The following TAFA2 variants were observed in gnomAD, a reference collection of about 807,000 sequenced individuals.
TAFA2 encodes chemokine-like protein TAFA-2.
Under a neutral mutation model 18.8 loss-of-function variants are expected in TAFA2, and 7 were observed. The observed-to-expected ratio is 0.37, with a 90% CI of 0.21 to 0.70. TAFA2 has a LOEUF of 0.70. Ranked by LOEUF, TAFA2 falls within the 30% of genes least tolerant of loss-of-function variation. The probability of loss-of-function intolerance (pLI) is 0.53; values close to 1 mark genes in which losing one functional copy is unlikely to be tolerated. For synonymous variants in TAFA2, 60 were observed against 54.2 expected (o/e 1.11, Z -0.47); for missense variants, 122 against 158.1 (o/e 0.77, Z 1.23).
intron 1 of TAFA2, among the ~76,000 whole-genome samples, chr12:62,100,172 G>C (rs1379562281): frequency 1.6e-5 from 2 of 121,770 alleles, no homozygotes; most frequent in East Asian, 4.3e-4. Flanking sequence ...CACACACACA[G>C]CCCTTCAAGT....
At chr12:62,031,662 C>A (rs1459783062) in intron 1 of TAFA2, among the ~76,000 whole-genome samples, 1 of 152,036 alleles carries the variant, frequency 6.6e-6, no homozygotes, top group Admixed American at 6.6e-5. Flanking sequence ...ATGACATTTA[C>A]CTGTATATAT....
intron 2 of TAFA2, among the ~76,000 whole-genome samples, chr12:61,854,112 C>T (rs905070232): frequency 2.6e-5 from 4 of 151,970 alleles, no homozygotes; most frequent in African/African-American, 9.7e-5. Context: ...AGGAAAGCTT[C>T]TAGTATAGAA....
chr12:62,074,981 C>T (rs981868828), intron 1 of TAFA2, among the ~76,000 whole-genome samples: 1 of 151,976 alleles, frequency 6.6e-6, no homozygotes, highest in Non-Finnish European at 1.5e-5. Context: ...GGATTACAGG[C>T]GTGAGCCACC....
chr12:61,945,257 C>A (rs993916220), intron 1 of TAFA2, among the ~76,000 whole-genome samples: 6 of 121,730 alleles, frequency 4.9e-5, no homozygotes, highest in African/African-American at 2.4e-4. Flanking sequence ...ATTCAACAAC[C>A]CTTCATGCTA....
chr12:62,015,459 C>T (rs1880905164), intron 1 of TAFA2, among the ~76,000 whole-genome samples: 1 of 152,164 alleles, frequency 6.6e-6, no homozygotes, highest in South Asian at 2.1e-4. Flanking sequence ...TGATCTCCTA[C>T]ATAGTAGGAA....
chr12:62,069,076 T>C (rs1004440154), intron 1 of TAFA2, among the ~76,000 whole-genome samples: 2 of 152,288 alleles, frequency 1.3e-5, no homozygotes, highest in South Asian at 2.1e-4. Flanking sequence ...GAGCAATTTT[T>C]GTGCTGCAAT....
intron 4 of TAFA2, chr12:61,720,919 G>C (rs75355871): frequency 5.8e-6 from 3 of 517,600 alleles, no homozygotes; most frequent in Non-Finnish European, 1.2e-5. Flanking sequence ...AGTTTTACAC[G>C]TTTGCCTAAG....
chr12:61,926,070 C>T (rs7304495), intron 1 of TAFA2, among the ~76,000 whole-genome samples: 3,368 of 152,252 alleles, frequency 0.022, 105 homozygotes, highest in African/African-American at 0.077. Flanking sequence ...ATACTATAAA[C>T]AACTCTACAC....
At chr12:61,796,307 AT>A (rs1273215259) in intron 2 of TAFA2, among the ~76,000 whole-genome samples, 2 of 152,282 alleles carry the variant, frequency 1.3e-5, no homozygotes, top group East Asian at 1.9e-4. Context: ...AGATAAACAA[AT>A]TTTGGCATAA....
intron 1 of TAFA2, among the ~76,000 whole-genome samples, chr12:61,890,615 C>T (rs1403700132): frequency 6.6e-6 from 1 of 152,200 alleles, no homozygotes; most frequent in African/African-American, 2.4e-5. Flanking sequence ...AAATAAGTAG[C>T]TACAGGGGGT....
intron 2 of TAFA2, among the ~76,000 whole-genome samples, chr12:61,784,829 T>C (rs1055629949): frequency 6.6e-6 from 1 of 151,506 alleles, no homozygotes; most frequent in Non-Finnish European, 1.5e-5. Flanking sequence ...TCTTTTCTTT[T>C]TTAATTGACA....
intron 1 of TAFA2, among the ~76,000 whole-genome samples, chr12:62,124,706 C>T (rs1415152878): frequency 1.3e-5 from 2 of 152,068 alleles, no homozygotes; most frequent in East Asian, 3.9e-4. Flanking sequence ...TTAAGATAGG[C>T]TAGTATTCAA....
At chr12:62,048,578 A>AG (rs1442251913) in intron 1 of TAFA2, among the ~76,000 whole-genome samples, 3 of 152,118 alleles carry the variant, frequency 2.0e-5, no homozygotes, top group Admixed American at 2.0e-4. Context: ...TATTTCCCCA[A>AG]TTTTCAAATC....
intron 2 of TAFA2, among the ~76,000 whole-genome samples, chr12:61,841,501 A>G (rs1873178702): frequency 6.6e-6 from 1 of 152,084 alleles, no homozygotes; most frequent in South Asian, 2.1e-4. Flanking sequence ...CTATTGGTCT[A>G]TACGTCTGTT....
intron 1 of TAFA2, among the ~76,000 whole-genome samples, chr12:62,206,680 G>C (rs895675414): frequency 6.6e-6 from 1 of 152,064 alleles, no homozygotes; most frequent in African/African-American, 2.4e-5. Context: ...AGTTCTCACT[G>C]TTATCCAGGC....
chr12:62,071,880 G>T (rs984095100), intron 1 of TAFA2, among the ~76,000 whole-genome samples: 1 of 152,168 alleles, frequency 6.6e-6, no homozygotes, highest in African/African-American at 2.4e-5. Context: ...AAATACAGTT[G>T]TGTTTTGGCT....
intron 4 of TAFA2, among the ~76,000 whole-genome samples, chr12:61,744,439 AT>A (rs1217052734): frequency 1.3e-5 from 2 of 152,046 alleles, no homozygotes; most frequent in Admixed American, 6.6e-5. Context: ...CGGATGATAT[AT>A]TTTTTTGCAT....
intron 1 of TAFA2, among the ~76,000 whole-genome samples, chr12:62,178,407 T>C (rs909058508): frequency 1.1e-4 from 17 of 152,216 alleles, no homozygotes; most frequent in African/African-American, 4.1e-4. Context: ...GTAGCTATTA[T>C]AGCAGACATA....
chr12:61,732,170 C>G (rs1870479862), intron 4 of TAFA2, among the ~76,000 whole-genome samples: 1 of 151,912 alleles, frequency 6.6e-6, no homozygotes, highest in Admixed American at 6.6e-5. Context: ...GATAAGAGAG[C>G]CAGTCAAGTG....
Sources: allele counts gnomAD v4.1 joint callset (sites outside exome capture counted in the v4.1 genomes callset), GRCh38; gene constraint gnomAD v4.1.1; transcripts MANE v1.5; gene names NCBI Gene and HGNC (gene_info 2026-07-23, HGNC 2026-07-21).